Variants in MALRD1 observed in about 807,000 individuals in gnomAD.
MALRD1 encodes MAM and LDL-receptor class A domain-containing protein 1.
In MALRD1, 247 loss-of-function variants were observed where a neutral mutation model predicts 242.1. The observed-to-expected ratio is 1.02, with a 90% CI of 0.92 to 1.13. MALRD1 has a LOEUF of 1.13. Ranked by LOEUF, MALRD1 falls within the 50% of genes most tolerant of loss-of-function variation. The pLI, the probability that MALRD1 is intolerant of heterozygous loss-of-function variation, is 0.00. For missense variants in MALRD1, 2,989 were observed against 2,533.1 expected (o/e 1.18, Z -3.86); for synonymous variants, 995 against 866.6 (o/e 1.15, Z -2.60).
chr10:19,484,306 T>C (rs1837148315), intron 29 of MALRD1, among the ~76,000 whole-genome samples: 1 of 152,242 alleles, frequency 6.6e-6, no homozygotes, highest in South Asian at 2.1e-4. Context: ...AGAAAAGTTT[T>C]CTAGCTACTA....
chr10:19,455,855 T>A (rs538948445), intron 29 of MALRD1, among the ~76,000 whole-genome samples: 78 of 152,300 alleles, frequency 5.1e-4, no homozygotes, highest in African/African-American at 1.8e-3. Context: ...TCCAGAGTGT[T>A]CAGTTTTGTG....
intron 18 of MALRD1, among the ~76,000 whole-genome samples, chr10:19,231,832 T>A (rs1309491523): frequency 1.4e-5 from 2 of 145,818 alleles, no homozygotes; most frequent in Non-Finnish European, 3.0e-5. Context: ...GAGTCCCGCT[T>A]TCTGTTTTTG....
intron 28 of MALRD1, among the ~76,000 whole-genome samples, chr10:19,416,580 TCAA>T (rs1443730930): frequency 6.6e-6 from 1 of 152,096 alleles, no homozygotes; most frequent in Non-Finnish European, 1.5e-5. Flanking sequence ...TGTATCACTC[TCAA>T]CAGTTTGGCA....
rs1424215807 is a variant in MALRD1 at position 19,282,385 on chromosome 10, A to G, written c.3257-634A>G. ...AGCTAGAGTGCACACCAGGTTTTCT[A>G]TAGTATACACAAGAATTTCATTGAA... On this transcript the variant is annotated intron_variant, in intron 20 of 39. Coordinates refer to ENST00000454679, the MANE Select transcript of MALRD1 (RefSeq NM_001142308.3). Among the ~76,000 whole-genome samples the G allele has an allele frequency of 3.9e-5, 6 of 152,336 alleles. No individual in the cohort carries two copies. The East Asian group carries it at 5.8e-4, about 15-fold the overall frequency.
At chr10:19,705,640 G>T (rs1053401953) in intron 38 of MALRD1, among the ~76,000 whole-genome samples, 1 of 151,686 alleles carries the variant, frequency 6.6e-6, no homozygotes, top group Non-Finnish European at 1.5e-5. Context: ...CCACCAGCAT[G>T]ATTCCTCCTC....
At chr10:19,702,827 G>C (rs573555553) in intron 38 of MALRD1, among the ~76,000 whole-genome samples, 1 of 152,234 alleles carries the variant, frequency 6.6e-6, no homozygotes, top group South Asian at 2.1e-4. Flanking sequence ...TCACCCTCTC[G>C]AAATTAACCT....
chr10:19,131,615 C>A (rs1160070506), intron 8 of MALRD1, among the ~76,000 whole-genome samples: 4 of 152,066 alleles, frequency 2.6e-5, no homozygotes, highest in Non-Finnish European at 5.9e-5. Context: ...ATTACATGGT[C>A]TTATTCCTAG....
chr10:19,614,405 A>T (rs997167691), intron 35 of MALRD1, among the ~76,000 whole-genome samples: 1 of 151,936 alleles, frequency 6.6e-6, no homozygotes, highest in Admixed American at 6.6e-5. Flanking sequence ...GACAGAGGAA[A>T]TTTTAATCAA....
At chr10:19,273,508 A>AGGTAATAAACT (rs1169231505) in intron 19 of MALRD1, among the ~76,000 whole-genome samples, 1 of 152,216 alleles carries the variant, frequency 6.6e-6, no homozygotes, top group Admixed American at 6.5e-5. Context: ...GTAGATAAAT[A>AGGTAATAAACT]GGTAATAAAC....
chr10:19,476,765 C>T (rs1836754905), intron 29 of MALRD1, among the ~76,000 whole-genome samples: 1 of 152,252 alleles, frequency 6.6e-6, no homozygotes, highest in East Asian at 1.9e-4. Context: ...ACTTATTTTA[C>T]AACACTCTAA....
chr10:19,397,800 A>C (rs757722682), intron 28 of MALRD1, among the ~76,000 whole-genome samples: 5 of 151,790 alleles, frequency 3.3e-5, no homozygotes, highest in Non-Finnish European at 7.4e-5. Context: ...TAGTTCCACA[A>C]CGTTGCTAAC....
At chr10:19,124,747 T>C in intron 7 of MALRD1, 77 bp downstream of exon 7, 2 of 1,152,198 alleles carry the variant, frequency 1.7e-6, no homozygotes, top group African/African-American at 1.6e-5. Flanking sequence ...AGACATTACA[T>C]AGGAGGCCTT....
chr10:19,616,808 A>G (rs894516461), intron 36 of MALRD1, among the ~76,000 whole-genome samples: 1 of 152,082 alleles, frequency 6.6e-6, no homozygotes, highest in Non-Finnish European at 1.5e-5. Context: ...ATGATGGACC[A>G]TATTTAGACA....
At chr10:19,199,206 T>C (rs1836408281) in intron 14 of MALRD1, among the ~76,000 whole-genome samples, 1 of 152,176 alleles carries the variant, frequency 6.6e-6, no homozygotes, top group African/African-American at 2.4e-5. Flanking sequence ...GAAGAGTCAA[T>C]GTGGTGGACT....
At chr10:19,579,106 G>A (rs530070506) in intron 33 of MALRD1, among the ~76,000 whole-genome samples, 10 of 152,204 alleles carry the variant, frequency 6.6e-5, no homozygotes, top group African/African-American at 1.4e-4. Flanking sequence ...TTACTCTTCC[G>A]TTAAACATAG....
chr10:19,185,527 A>G (rs1396088085), intron 14 of MALRD1, among the ~76,000 whole-genome samples: 2 of 152,130 alleles, frequency 1.3e-5, no homozygotes, highest in Non-Finnish European at 2.9e-5. Flanking sequence ...TTATTTATTT[A>G]TTCAATCTTA....
At chr10:19,594,932 A>G (rs1838004606) in intron 33 of MALRD1, among the ~76,000 whole-genome samples, 1 of 152,140 alleles carries the variant, frequency 6.6e-6, no homozygotes, top group Admixed American at 6.6e-5. Flanking sequence ...AATCACCACT[A>G]AAGAACTTAT....
At chr10:19,493,686 T>A (rs1023105611) in intron 30 of MALRD1, among the ~76,000 whole-genome samples, 1 of 150,106 alleles carries the variant, frequency 6.7e-6, no homozygotes, top group African/African-American at 2.5e-5. Context: ...TGGTGGTGGA[T>A]GCCTGTAATC....
intron 7 of MALRD1, among the ~76,000 whole-genome samples, chr10:19,124,935 CTT>C (rs1173453764): frequency 1.1e-4 from 6 of 52,592 alleles, no homozygotes; most frequent in Admixed American, 7.0e-4. Context: ...TATTAAAAGG[CTT>C]TTTTTTTTTT....
Sources: gnomAD v4.1 joint callset for allele counts (sites outside exome capture counted in the v4.1 genomes callset) on GRCh38, gnomAD v4.1.1 for gene constraint, MANE v1.5 for transcripts, NCBI Gene and HGNC (gene_info 2026-07-23, HGNC 2026-07-21) for gene names.